Variants in BIRC2 observed in about 807,000 individuals in gnomAD.
BIRC2 encodes baculoviral IAP repeat-containing protein 2.
BIRC2 carries 18 observed loss-of-function variants against 60.9 expected under a neutral mutation model. The ratio of observed to expected loss-of-function variants is 0.30; its 90% confidence interval spans 0.20 to 0.44. BIRC2 has a LOEUF of 0.44. Among genes scored for constraint, BIRC2 ranks in the 20% least tolerant of loss-of-function variants. The pLI, the probability that BIRC2 is intolerant of heterozygous loss-of-function variation, is 1.00. For missense variants in BIRC2, 701 were observed against 728.5 expected, an observed-to-expected ratio of 0.96 and a Z score of 0.43; for synonymous variants, 282 against 247.7, an observed-to-expected ratio of 1.14 and a Z score of -1.30.
At chr11:102,354,033 T>G (rs1951392721) in intron 3 of BIRC2, among the ~76,000 whole-genome samples, 1 of 152,004 alleles carries the variant, frequency 6.6e-6, no homozygotes, top group African/African-American at 2.4e-5. Context: ...TCCAAATATG[T>G]GGGTTTCACA....
At chr11:102,352,238 C>A (rs1001598713) in intron 3 of BIRC2, among the ~76,000 whole-genome samples, 3 of 149,564 alleles carry the variant, frequency 2.0e-5, no homozygotes, top group Admixed American at 2.0e-4. Flanking sequence ...CTCAGCCTCC[C>A]GAGTAGCTGG....
chr11:102,374,994 C>G (rs1041136364), intron 6 of BIRC2, among the ~76,000 whole-genome samples: 5 of 152,352 alleles, frequency 3.3e-5, no homozygotes, highest in Admixed American at 3.3e-4. Context: ...TTGGGCTTCC[C>G]AAGTGTGGCA....
chr11:102,368,659 TCC>T, intron 6 of BIRC2, 111 bp downstream of exon 6: 1 of 1,428,366 alleles, frequency 7.0e-7, no homozygotes, highest in Non-Finnish European at 9.4e-7. Flanking sequence ...CTGGTAGCAG[TCC>T]TCCAGTCATT....
At chr11:102,357,088 G>A (rs1329733508) in intron 3 of BIRC2, among the ~76,000 whole-genome samples, 1 of 152,142 alleles carries the variant, frequency 6.6e-6, no homozygotes, top group African/African-American at 2.4e-5. Context: ...GATTCTTCTA[G>A]TAGGCTGCTG....
At chr11:102,364,842 C>T (rs893631630) in intron 5 of BIRC2, among the ~76,000 whole-genome samples, 4 of 152,110 alleles carry the variant, frequency 2.6e-5, no homozygotes, top group African/African-American at 4.8e-5. Context: ...AACTATCTCC[C>T]GTGTAATAGA....
chr11:102,360,291 T>TG (rs1214616573), intron 3 of BIRC2, among the ~76,000 whole-genome samples: 1 of 152,114 alleles, frequency 6.6e-6, no homozygotes, highest in African/African-American at 2.4e-5. Context: ...GCAAATATTG[T>TG]TTTGCTTGAT....
At chr11:102,366,026 C>T (rs888990112) in intron 5 of BIRC2, among the ~76,000 whole-genome samples, 1 of 152,060 alleles carries the variant, frequency 6.6e-6, no homozygotes, top group Non-Finnish European at 1.5e-5. Flanking sequence ...TTGGAGTACC[C>T]CTCATAGCTC....
At chr11:102,360,784 G>GTTTTTTTTTTTTTTTTTTTTTTTTTGT (rs200030086) in intron 3 of BIRC2, among the ~76,000 whole-genome samples, 1 of 129,344 alleles carries the variant, frequency 7.7e-6, no homozygotes, top group Non-Finnish European at 1.7e-5. Flanking sequence ...TGTTTTTTTT[G>GTTTTTTTTTTTTTTTTTTTTTTTTTGT]TTTTTTTTTT....
At chr11:102,367,714 G>A (rs1313666405) in intron 5 of BIRC2, among the ~76,000 whole-genome samples, 1 of 152,080 alleles carries the variant, frequency 6.6e-6, no homozygotes, top group African/African-American at 2.4e-5. Flanking sequence ...ATCTGTCACT[G>A]TCTAAAATCA....
chr11:102,363,136 C>T (rs531297313), intron 4 of BIRC2, among the ~76,000 whole-genome samples, 162 bp downstream of exon 4: 1 of 152,228 alleles, frequency 6.6e-6, no homozygotes, highest in South Asian at 2.1e-4. Context: ...GCTTATTTCT[C>T]TTTTATTAAT....
intron 1 of BIRC2, among the ~76,000 whole-genome samples, chr11:102,348,119 A>G (rs759563101): frequency 1.3e-5 from 2 of 152,218 alleles, no homozygotes; most frequent in African/African-American, 4.8e-5. Context: ...AAGAGTTTAT[A>G]TTAATGAACT....
At chr11:102,355,258 A>C (rs1951408110) in intron 3 of BIRC2, among the ~76,000 whole-genome samples, 1 of 152,036 alleles carries the variant, frequency 6.6e-6, no homozygotes, top group African/African-American at 2.4e-5. Context: ...TTAGTCTTTA[A>C]TCCATTTCTA....
chr11:102,347,651 G>T (rs1384749153), intron 1 of BIRC2: 2 of 152,272 alleles, frequency 1.3e-5, no homozygotes, highest in African/African-American at 4.8e-5. Context: ...CTGGCCCTTG[G>T]ACTTTGACCA....
In BIRC2 at chr11:102,348,839, C is replaced by T. The variant is rs1330513228; in HGVS notation, c.-1016C>T. 4.5e-5 allele frequency: 10 copies of T among 224,506 alleles called. No homozygotes were observed. The highest frequency in any genetic ancestry group is 8.9e-5 in the Non-Finnish European group (10 of 112,148). 13.9% of individuals were successfully genotyped at this position (224,506 alleles called of 1,614,324 possible). ...TAGTACAATATTTTGTTAGGCGTTTCTGATAACACTAGAAAGGACAAGTTT... is the reference window on the plus strand; with the variant it reads ...TAGTACAATATTTTGTTAGGCGTTTTTGATAACACTAGAAAGGACAAGTTT... On this transcript the variant is annotated 5_prime_UTR_variant, in exon 2 of 9. Transcript: ENST00000227758.
At chr11:102,361,587 T>C (rs546730070) in intron 3 of BIRC2, among the ~76,000 whole-genome samples, 1 of 152,164 alleles carries the variant, frequency 6.6e-6, no homozygotes, top group Non-Finnish European at 1.5e-5. Context: ...AGTAGGCTAC[T>C]GGGGTTGGCA....
rs1437150551 is a variant in BIRC2, at chr11:102,350,592, C to T, written c.738C>T (p.Asn246=). The T allele has an allele frequency of 1.9e-6, 3 of 1,614,202 alleles. No homozygotes were observed. Among genetic ancestry groups the T allele is most frequent in the Non-Finnish European group, 2.5e-6 (3 of 1,180,026 alleles). Residue 246 remains asparagine, a synonymous_variant, in exon 2 of 9, where the codon AAC becomes AAT. Transcript: ENST00000227758. ...AMSEHRRHFP[N]CPFLENSLET... ...CAGAACACCGGAGGCATTTTCCCAA[C>T]TGTCCATTTTTGGAAAATTCTCTAG... is the stretch of plus-strand genomic sequence containing the variant.
At chr11:102,360,216 C>G (rs1319908710) in intron 3 of BIRC2, among the ~76,000 whole-genome samples, 1 of 152,198 alleles carries the variant, frequency 6.6e-6, no homozygotes, top group African/African-American at 2.4e-5. Context: ...ATCCACCCGC[C>G]TCAACCTCCC....
intron 6 of BIRC2, among the ~76,000 whole-genome samples, chr11:102,376,575 A>G (rs1951716709): frequency 6.6e-6 from 1 of 152,190 alleles, no homozygotes; most frequent in Admixed American, 6.5e-5. Context: ...CAAATTTTAT[A>G]ATGATTCAGA....
chr11:102,353,593 C>T (rs898411910), intron 3 of BIRC2, among the ~76,000 whole-genome samples: 35 of 151,624 alleles, frequency 2.3e-4, no homozygotes, highest in African/African-American at 6.8e-4. Flanking sequence ...GCTGGGCTTA[C>T]AGGCATGAGC....
Sources: allele counts gnomAD v4.1 joint callset (sites outside exome capture counted in the v4.1 genomes callset), GRCh38; gene constraint gnomAD v4.1.1; transcripts MANE v1.5; gene names NCBI Gene and HGNC (gene_info 2026-07-23, HGNC 2026-07-21).